The following PTPN1 variants were observed in gnomAD, a reference collection of about 807,000 sequenced individuals.
PTPN1 encodes protein tyrosine phosphatase non-receptor type 1.
A neutral mutation model predicts 59.9 loss-of-function variants in PTPN1; 12 were observed. The observed-to-expected ratio is 0.20, with a 90% confidence interval of 0.13 to 0.32. The LOEUF (loss-of-function observed/expected upper bound fraction) is 0.32, where lower values mean the gene tolerates loss of function less well. PTPN1 is among the 10% of genes least tolerant of loss of function. PTPN1 has a pLI of 1.00. For synonymous variants in PTPN1, 178 were observed against 203.6 expected, an observed-to-expected ratio of 0.87 and a Z score of 1.07; for missense variants, 356 against 549.2, an observed-to-expected ratio of 0.65 and a Z score of 3.52.
At chr20:50,557,270 G>A (rs939392137) in intron 1 of PTPN1, among the ~76,000 whole-genome samples, 2 of 151,540 alleles carry the variant, frequency 1.3e-5, no homozygotes, top group Admixed American at 6.6e-5. Context: ...TAACTCTGTC[G>A]CCCAGGCTGG....
Position 50,568,599 on chromosome 20 carries a change from T to A in PTPN1, c.354+121T>A. On this transcript the variant is annotated intron_variant, in intron 4 of 9. Transcript: ENST00000371621. The surrounding 1 kb of genome is among the most constrained non-coding windows in gnomAD (Gnocchi z 5.6). Reference sequence around the variant, plus strand: ...TTGTATTTCCTTTACGTAGTATTTTTATTTAAAAAAATTAAAACAGCAGCA... The same window carrying A: ...TTGTATTTCCTTTACGTAGTATTTTAATTTAAAAAAATTAAAACAGCAGCA... 1.3e-6 allele frequency: 1 copy of A among 788,712 alleles called. No homozygotes were observed. The highest frequency in any genetic ancestry group is 2.0e-6 in the Non-Finnish European group (1 of 488,980). The allele number at this position is 788,712 out of a possible 1,614,324, so 48.9% of individuals were successfully genotyped here. A position where few individuals can be genotyped will look rare whatever the true frequency, so the allele number is the denominator to read the frequency against.
At chr20:50,579,143 CTT>C in intron 6 of PTPN1, 23 bp from the exon 7 acceptor site, 1 of 1,612,826 alleles carries the variant, frequency 6.2e-7, no homozygotes, top group Non-Finnish European at 8.5e-7. Context: ...ACCTGGCTGA[CTT>C]ATATCTCCTC....
chr20:50,524,389 T>A (rs2082564149), intron 1 of PTPN1, among the ~76,000 whole-genome samples: 1 of 152,102 alleles, frequency 6.6e-6, no homozygotes, highest in Non-Finnish European at 1.5e-5. Flanking sequence ...TATATTTTAA[T>A]ATGTAAAGAT....
chr20:50,532,569 A>G (rs185816036), intron 1 of PTPN1, among the ~76,000 whole-genome samples: 19 of 152,348 alleles, frequency 1.2e-4, no homozygotes, highest in African/African-American at 4.3e-4. Flanking sequence ...CGTAGAACCT[A>G]TATAATCTGC....
At chr20:50,577,133 G>A (rs1193589706) in intron 5 of PTPN1, among the ~76,000 whole-genome samples, 1 of 152,094 alleles carries the variant, frequency 6.6e-6, no homozygotes, top group African/African-American at 2.4e-5. Flanking sequence ...ATTTACTAGT[G>A]TATTTAATGG....
intron 1 of PTPN1, among the ~76,000 whole-genome samples, chr20:50,554,217 C>CA (rs1007871058): frequency 6.6e-6 from 1 of 152,088 alleles, no homozygotes; most frequent in African/African-American, 2.4e-5. Flanking sequence ...CCTGTCTCTA[C>CA]AAAAAATAAA....
At chr20:50,565,134 C>T (rs1271703921) in intron 3 of PTPN1, 65 bp downstream of exon 3, 1 of 1,482,786 alleles carries the variant, frequency 6.7e-7, no homozygotes, top group African/African-American at 1.4e-5. Flanking sequence ...CTGTTATCCA[C>T]ACCTCAAATA....
Position 50,582,885 on chromosome 20 carries a change from T to G in PTPN1, c.*170T>G. 1 of 701,830 alleles carries G rather than the reference T, an allele frequency of 1.4e-6. No individual in the cohort carries two copies. The highest frequency in any genetic ancestry group is 1.8e-5 in the South Asian group (1 of 56,400). The allele number at this position is 701,830 out of a possible 1,614,324, so 43.5% of individuals were successfully genotyped here. A position where few individuals can be genotyped will look rare whatever the true frequency, so the allele number is the denominator to read the frequency against. ...AACCCATCTTCCCCGGATGTGTGTC[T>G]CACCCCTCATCCTTTTACTTTTTGC... On this transcript the variant is annotated 3_prime_UTR_variant, in exon 10 of 10. Coordinates refer to ENST00000371621, the MANE Select transcript of PTPN1 (RefSeq NM_002827.4). The surrounding 1 kb of genome is among the most constrained non-coding windows in gnomAD (Gnocchi z 4.2).
intron 3 of PTPN1, among the ~76,000 whole-genome samples, chr20:50,566,056 A>G (rs1266822247): frequency 6.6e-6 from 1 of 152,160 alleles, no homozygotes; most frequent in Admixed American, 6.5e-5. Flanking sequence ...GCATCAGCCC[A>G]GCTGTGTTCA....
chr20:50,517,758 G>A (rs531785554), intron 1 of PTPN1, among the ~76,000 whole-genome samples: 1 of 152,236 alleles, frequency 6.6e-6, no homozygotes, highest in Admixed American at 6.5e-5. Context: ...GGAAATAAAC[G>A]TATTCTTTAC....
At chr20:50,559,938 T>G (rs2082744593) in intron 1 of PTPN1, among the ~76,000 whole-genome samples, 2 of 151,948 alleles carry the variant, frequency 1.3e-5, no homozygotes, top group Admixed American at 6.6e-5. Flanking sequence ...CAGTGGTACC[T>G]GCATGTGGTG....
chr20:50,545,564 T>C (rs1308007911), intron 1 of PTPN1, among the ~76,000 whole-genome samples: 1 of 152,228 alleles, frequency 6.6e-6, no homozygotes. Context: ...CTTAAACTGC[T>C]CATAATGTAT....
intron 7 of PTPN1, 133 bp from the exon 8 acceptor site, chr20:50,579,570 C>A: frequency 1.1e-6 from 1 of 923,538 alleles, no homozygotes. Flanking sequence ...ATTTCATCTT[C>A]CAAGTACATG....
chr20:50,570,117 G>T (rs1393105125), intron 4 of PTPN1, among the ~76,000 whole-genome samples: 1 of 152,208 alleles, frequency 6.6e-6, no homozygotes, highest in Non-Finnish European at 1.5e-5. Context: ...GCACAGTCAT[G>T]GCCCTAGAAT....
At chr20:50,562,873 G>T (rs1357832693) in intron 2 of PTPN1, 2 of 152,116 alleles carry the variant, frequency 1.3e-5, no homozygotes, top group African/African-American at 4.8e-5. Context: ...TCTAGCTTTT[G>T]CTATAGTTGC....
intron 1 of PTPN1, among the ~76,000 whole-genome samples, chr20:50,531,061 C>T (rs961324537): frequency 6.6e-6 from 1 of 152,054 alleles, no homozygotes. Context: ...CAGAGCAGAC[C>T]TGGGACCTGA....
intron 3 of PTPN1, among the ~76,000 whole-genome samples, chr20:50,566,503 C>A (rs547207534): frequency 1.3e-5 from 2 of 152,202 alleles, no homozygotes; most frequent in Non-Finnish European, 2.9e-5. Flanking sequence ...TTTCCCTTTG[C>A]CCTGGGGATT....
rs926089881 is a variant in PTPN1 at position 50,568,011 on chromosome 20, G to A, written c.256-369G>A. On this transcript the variant is annotated intron_variant, in intron 3 of 9. Transcript: ENST00000371621. This position sits in a 1 kb window ranked among gnomAD's most constrained non-coding sequence, Gnocchi z 5.6. ...CAAGAGAAGTGTTGTGGTTGGCCAC[G>A]CCCCCACACTGCCTCTCATCTGCAC... Among the ~76,000 whole-genome samples, 3 of 152,164 alleles carry A rather than the reference G, an allele frequency of 2.0e-5. No homozygotes were observed. Among genetic ancestry groups the A allele is most frequent in the South Asian group, 4.1e-4 (2 of 4,826 alleles).
intron 2 of PTPN1, chr20:50,563,172 C>T (rs993239829): frequency 6.6e-6 from 1 of 151,244 alleles, no homozygotes; most frequent in Non-Finnish European, 1.5e-5. Context: ...CCCAATCTCA[C>T]TCCTCTTATC....
Sources: gnomAD v4.1 joint callset for allele counts (sites outside exome capture counted in the v4.1 genomes callset) on GRCh38, gnomAD v4.1.1 for gene constraint, Gnocchi (gnomAD v3.1) non-coding constraint, MANE v1.5 for transcripts, NCBI Gene and HGNC (gene_info 2026-07-23, HGNC 2026-07-21) for gene names.